The following LRRC7 variants were observed in gnomAD, a reference collection of about 807,000 sequenced individuals.
LRRC7 encodes the protein leucine rich repeat containing 7.
Under a neutral mutation model 175.7 loss-of-function variants are expected in LRRC7, and 23 were observed. The ratio of observed to expected loss-of-function variants is 0.13; its 90% CI spans 0.09 to 0.19. LRRC7 has a LOEUF of 0.19. Among genes scored for constraint, LRRC7 ranks in the 10% least tolerant of loss-of-function variants. The pLI is 1.00. For missense variants in LRRC7, 1,354 were observed against 1,904.7 expected (o/e 0.71, Z 5.38); for synonymous variants, 685 against 680.9 (o/e 1.01, Z -0.09).
intron 11 of LRRC7, among the ~76,000 whole-genome samples, chr1:70,003,280 C>T (rs1022024656): frequency 5.3e-5 from 8 of 152,164 alleles, no homozygotes; most frequent in Admixed American, 3.3e-4. Flanking sequence ...GCCCCATCTC[C>T]AAATACCATC....
chr1:69,683,919 G>C (rs1219524274), intron 2 of LRRC7, among the ~76,000 whole-genome samples: 2 of 152,020 alleles, frequency 1.3e-5, no homozygotes, highest in Admixed American at 6.6e-5. Flanking sequence ...AAGGAAAGAT[G>C]ATGAAATAAT....
chr1:69,770,281 T>C (rs1045375426), intron 3 of LRRC7, among the ~76,000 whole-genome samples: 1 of 152,208 alleles, frequency 6.6e-6, no homozygotes, highest in Non-Finnish European at 1.5e-5. Flanking sequence ...ATTATATGCT[T>C]TCAATCGATG....
chr1:70,015,014 A>C (rs983018910), intron 13 of LRRC7, among the ~76,000 whole-genome samples: 7 of 152,036 alleles, frequency 4.6e-5, no homozygotes, highest in African/African-American at 1.2e-4. Context: ...TCTGCTTTTA[A>C]TATACCCCAT....
chr1:69,608,808 GTCTGTCTCTCTCTCTCTC>G (rs1648088660), intron 1 of LRRC7, among the ~76,000 whole-genome samples: 1 of 68,612 alleles, frequency 1.5e-5, no homozygotes, highest in Admixed American at 1.9e-4. Context: ...AAGTTGCTCT[GTCTGTCTCTCTCTCTCTC>G]TCTCTCTCTC....
chr1:69,850,053 G>T (rs1405355845), intron 7 of LRRC7, among the ~76,000 whole-genome samples: 1 of 152,010 alleles, frequency 6.6e-6, no homozygotes, highest in African/African-American at 2.4e-5. Flanking sequence ...TGGGGATGTT[G>T]GGTGATTTGG....
intron 23 of LRRC7, among the ~76,000 whole-genome samples, chr1:70,071,188 G>A (rs1364349365): frequency 1.3e-5 from 2 of 152,118 alleles, no homozygotes; most frequent in Non-Finnish European, 2.9e-5. Context: ...GGCTTTTGTT[G>A]AAGCATTGTT....
rs1235892330 is a variant in LRRC7 at position 70,099,090 on chromosome 1, G to A, written c.4546-8662G>A. On this transcript the variant is annotated intron_variant, in intron 25 of 26. Transcript: ENST00000651989. ...ATCCTCAATAAAATACTGGCAAACC[G>A]AATCCAGCAGCACATCAAAAAGCTT... 3.4e-5 allele frequency among the ~76,000 whole-genome samples: 5 copies of A among 147,014 alleles called. 1 individual carries two copies. The highest frequency in any genetic ancestry group is 7.5e-5 in the African/African-American group (3 of 40,040).
chr1:69,668,106 A>G (rs1489646359), intron 1 of LRRC7, among the ~76,000 whole-genome samples: 1 of 151,852 alleles, frequency 6.6e-6, no homozygotes, highest in Admixed American at 6.6e-5. Flanking sequence ...AAAACTCAGC[A>G]CCTTAACTTT....
At chr1:70,020,733 T>C in intron 15 of LRRC7, 1 of 216,832 alleles carries the variant, frequency 4.6e-6, no homozygotes, top group South Asian at 7.6e-5. Flanking sequence ...ATTATTGTCC[T>C]ATGGGGACCC....
chr1:69,825,085 A>G (rs1157158390), intron 4 of LRRC7, among the ~76,000 whole-genome samples: 1 of 152,202 alleles, frequency 6.6e-6, no homozygotes, highest in Non-Finnish European at 1.5e-5. Context: ...CAGCTGTGAC[A>G]GCAGATGAGC....
At chr1:69,941,943 A>G (rs956711253) in intron 8 of LRRC7, among the ~76,000 whole-genome samples, 1 of 152,160 alleles carries the variant, frequency 6.6e-6, no homozygotes. Context: ...TTTCATTGAT[A>G]TGCCTTGCAG....
chr1:69,844,886 C>T (rs1168586947), intron 7 of LRRC7, among the ~76,000 whole-genome samples: 1 of 152,010 alleles, frequency 6.6e-6, no homozygotes, highest in African/African-American at 2.4e-5. Flanking sequence ...AAGATAAAAA[C>T]ACTTTCAACA....
intron 1 of LRRC7, among the ~76,000 whole-genome samples, chr1:69,650,929 T>C (rs1051775618): frequency 1.3e-5 from 2 of 152,226 alleles, no homozygotes; most frequent in African/African-American, 4.8e-5. Context: ...GCCACTGATA[T>C]AAATGCTATC....
chr1:69,582,523 G>T (rs561954341), intron 1 of LRRC7, among the ~76,000 whole-genome samples: 1 of 152,280 alleles, frequency 6.6e-6, no homozygotes, highest in South Asian at 2.1e-4. Context: ...GCATATTTTA[G>T]GTCCATTTGC....
At chr1:69,811,696 C>G (rs530799762) in intron 4 of LRRC7, among the ~76,000 whole-genome samples, 147 of 152,190 alleles carry the variant, frequency 9.7e-4, no homozygotes, top group African/African-American at 3.3e-3. Context: ...CGCATATTCT[C>G]ACTCATAAGT....
chr1:69,801,207 T>A (rs538191551), intron 4 of LRRC7, among the ~76,000 whole-genome samples: 1 of 151,982 alleles, frequency 6.6e-6, no homozygotes, highest in African/African-American at 2.4e-5. Flanking sequence ...CTGGCTTTGG[T>A]ATCAGGATAA....
chr1:69,880,677 G>GA (rs1026864866), intron 7 of LRRC7, among the ~76,000 whole-genome samples: 1 of 151,942 alleles, frequency 6.6e-6, no homozygotes, highest in Non-Finnish European at 1.5e-5. Context: ...TAATAGGGAA[G>GA]AAAAAGTAAA....
At chr1:69,921,225 G>C (rs1646878879) in intron 7 of LRRC7, among the ~76,000 whole-genome samples, 1 of 152,088 alleles carries the variant, frequency 6.6e-6, no homozygotes, top group Non-Finnish European at 1.5e-5. Context: ...GAAGAAAATG[G>C]AATGTGGGTT....
rs1485405679 is a variant in LRRC7 at position 70,141,616 on chromosome 1, A to ATAGT, written c.*19732_*19735dup. 6.6e-6 allele frequency: 1 copy of ATAGT among 152,082 alleles called. No homozygotes were observed. Among genetic ancestry groups the ATAGT allele is most frequent in the Non-Finnish European group, 1.5e-5 (1 of 68,004 alleles). 9.4% of individuals were successfully genotyped at this position (152,082 alleles called of 1,614,324 possible). A position where few individuals can be genotyped will look rare whatever the true frequency, so the allele number is the denominator to read the frequency against. Reference sequence around the variant, plus strand: ...AAATTAAAATGTGGTTATCTCAGCTATAGTTAAGAAAATTATCAAATGTAA... The same window carrying ATAGT: ...AAATTAAAATGTGGTTATCTCAGCTATAGTTAGTTAAGAAAATTATCAAATGTAA... On this transcript the variant is annotated 3_prime_UTR_variant, in exon 27 of 27. Coordinates refer to ENST00000651989, the MANE Select transcript of LRRC7 (RefSeq NM_001370785.2).
Sources: gnomAD v4.1 joint callset for allele counts (sites outside exome capture counted in the v4.1 genomes callset) on GRCh38, gnomAD v4.1.1 for gene constraint, MANE v1.5 for transcripts, NCBI Gene and HGNC (gene_info 2026-07-23, HGNC 2026-07-21) for gene names.